Variants in HUNK observed in about 807,000 individuals in gnomAD.
HUNK encodes hormonally up-regulated neu tumor-associated kinase.
In HUNK, 21 loss-of-function variants were observed where a neutral mutation model predicts 61.0. The observed-to-expected ratio is 0.34, with a 90% CI of 0.24 to 0.50. HUNK has a LOEUF of 0.50. HUNK is among the 20% of genes least tolerant of loss of function. The pLI is 0.98. For synonymous variants in HUNK, 371 were observed against 386.1 expected (o/e 0.96, Z 0.46); for missense variants, 772 against 945.7 (o/e 0.82, Z 2.41).
chr21:31,976,348 CT>C (rs1157457835), intron 7 of HUNK, among the ~76,000 whole-genome samples: 2 of 151,600 alleles, frequency 1.3e-5, no homozygotes, highest in Non-Finnish European at 2.9e-5. Context: ...TTCAGAAAAT[CT>C]CTTGTATCAC....
At chr21:31,987,011 T>C (rs1269362322) in intron 8 of HUNK, among the ~76,000 whole-genome samples, 1 of 152,170 alleles carries the variant, frequency 6.6e-6, no homozygotes, top group Non-Finnish European at 1.5e-5. Context: ...CTCCTCACAA[T>C]ATTCCCAGAG....
rs751108454 is a variant in HUNK at position 31,995,939 on chromosome 21, C to G, written c.1477C>G (p.Pro493Ala). Reference protein sequence around the residue: ...KDRKASKSSFPDKDSFGCRNI... With the variant: ...KDRKASKSSFADKDSFGCRNI... ...CCGGAAGGCCTCCAAGTCCAGCTTCCCCGACAAAGGTGGGTCAGCTCTGGG... is the reference window on the plus strand; with the variant it reads ...CCGGAAGGCCTCCAAGTCCAGCTTCGCCGACAAAGGTGGGTCAGCTCTGGG... The change falls in exon 10 of 11, where the codon CCC becomes GCC. Residue 493 changes from proline (P) to alanine (A), a missense_variant. Coordinates refer to ENST00000270112, the MANE Select transcript of HUNK (RefSeq NM_014586.2). 3.7e-6 allele frequency: 6 copies of G among 1,612,906 alleles called. No individual in the cohort carries two copies. In the African/African-American group the frequency reaches 6.7e-5, roughly 18 times the overall value.
chr21:31,966,117 C>A (rs1016595720), intron 5 of HUNK, among the ~76,000 whole-genome samples: 1 of 152,108 alleles, frequency 6.6e-6, no homozygotes, highest in Admixed American at 6.5e-5. Context: ...TGCCTTTGCA[C>A]CTTCATAGCT....
At chr21:31,900,252 CA>C (rs1219370143) in intron 1 of HUNK, among the ~76,000 whole-genome samples, 18 of 152,236 alleles carry the variant, frequency 1.2e-4, no homozygotes, top group African/African-American at 4.1e-4. Context: ...CTTCCAGCCC[CA>C]CTGAAATGCC....
chr21:31,977,319 A>G (rs1466716545), intron 7 of HUNK, among the ~76,000 whole-genome samples: 6 of 152,206 alleles, frequency 3.9e-5, no homozygotes, highest in Admixed American at 2.0e-4. Context: ...GTCTTCAGAT[A>G]AAAGGAAGAA....
intron 2 of HUNK, among the ~76,000 whole-genome samples, chr21:31,928,254 G>A (rs542537186): frequency 2.5e-4 from 38 of 152,234 alleles, no homozygotes; most frequent in African/African-American, 8.9e-4. Context: ...GTTTTGTGCT[G>A]TCAAAAAGAG....
Sources: allele counts gnomAD v4.1 joint callset (sites outside exome capture counted in the v4.1 genomes callset), GRCh38; gene constraint gnomAD v4.1.1; transcripts MANE v1.5; gene names NCBI Gene and HGNC (gene_info 2026-07-23, HGNC 2026-07-21).